Variants in SREK1IP1 observed in about 807,000 individuals in gnomAD.
SREK1IP1 encodes the protein protein SREK1IP1.
A neutral mutation model predicts 22.8 loss-of-function variants in SREK1IP1; 12 were observed. That is an observed-to-expected ratio of 0.53 (90% CI 0.34 to 0.85). SREK1IP1 has a LOEUF of 0.85. Ranked by LOEUF, SREK1IP1 falls within the 40% of genes least tolerant of loss-of-function variation. The pLI, the probability that SREK1IP1 is intolerant of heterozygous loss-of-function variation, is 0.02. For synonymous variants in SREK1IP1, 53 were observed against 52.7 expected, an observed-to-expected ratio of 1.01 and a Z score of -0.02; for missense variants, 147 against 171.8, an observed-to-expected ratio of 0.86 and a Z score of 0.81.
intron 1 of SREK1IP1, among the ~76,000 whole-genome samples, chr5:64,755,691 C>T (rs1329436088): frequency 6.6e-6 from 1 of 151,150 alleles, no homozygotes; most frequent in Non-Finnish European, 1.5e-5. Flanking sequence ...TCCACTCTGT[C>T]TAAAATAAAA....
intron 4 of SREK1IP1, 78 bp from the exon 5 acceptor site, chr5:64,724,651 T>TA (rs1421254968): frequency 1.7e-6 from 2 of 1,162,414 alleles, no homozygotes; most frequent in East Asian, 2.5e-5. Flanking sequence ...TGAACTGCCT[T>TA]AAATTCTTCT....
chr5:64,753,477 C>T (rs892277538), intron 2 of SREK1IP1, among the ~76,000 whole-genome samples: 1 of 152,114 alleles, frequency 6.6e-6, no homozygotes, highest in Non-Finnish European at 1.5e-5. Context: ...AGCAAGCTTC[C>T]CTTGAGCCAG....
intron 2 of SREK1IP1, 61 bp from the exon 3 acceptor site, chr5:64,741,261 G>A: frequency 6.6e-7 from 1 of 1,505,212 alleles, no homozygotes; most frequent in Non-Finnish European, 9.0e-7. Context: ...ATGTATTTTT[G>A]TATGTTTTGC....
intron 1 of SREK1IP1, among the ~76,000 whole-genome samples, chr5:64,768,230 TAC>T (rs1743093327): frequency 6.6e-6 from 1 of 152,150 alleles, no homozygotes; most frequent in Admixed American, 6.5e-5. Flanking sequence ...GGCCTACAGT[TAC>T]AGTCTCTCCC....
intron 1 of SREK1IP1, among the ~76,000 whole-genome samples, chr5:64,762,699 TA>T (rs1742970276): frequency 6.6e-6 from 1 of 152,194 alleles, no homozygotes; most frequent in African/African-American, 2.4e-5. Flanking sequence ...AAAAATAGGC[TA>T]AATGAGTTTC....
chr5:64,754,204 A>C (rs957621031), intron 2 of SREK1IP1, 111 bp downstream of exon 2: 5 of 973,800 alleles, frequency 5.1e-6, no homozygotes, highest in Middle Eastern at 2.2e-4. Flanking sequence ...GCTTAGGGCT[A>C]AAGGACTATG....
chr5:64,719,875 T>A lies in SREK1IP1; in HGVS notation c.*4509A>T, dbSNP rs531086867. 8 of 152,352 alleles carry A rather than the reference T, an allele frequency of 5.3e-5. No individual in the cohort carries two copies. Among genetic ancestry groups the A allele is most frequent in the African/African-American group, 1.9e-4 (8 of 41,578 alleles). 9.4% of individuals were successfully genotyped at this position (152,352 alleles called of 1,614,324 possible). On this transcript the variant is annotated 3_prime_UTR_variant, in exon 5 of 5. Transcript: ENST00000513458. Reference sequence around the variant, plus strand: ...AACTGGGATTATTGTCACACTGGTATAAGAAACCTACTGTTCTTGGGCACC... The same window carrying A: ...AACTGGGATTATTGTCACACTGGTAAAAGAAACCTACTGTTCTTGGGCACC...
rs1742134783 is a variant in SREK1IP1, at chr5:64,720,201, C to A, written c.*4183G>T. The A allele has an allele frequency of 6.6e-6, 1 of 152,126 alleles. No homozygotes were observed. Among genetic ancestry groups the A allele is most frequent in the South Asian group, 2.1e-4 (1 of 4,822 alleles). The allele number at this position is 152,126 out of a possible 1,614,324, so 9.4% of individuals were successfully genotyped here. On this transcript the variant is annotated 3_prime_UTR_variant, in exon 5 of 5. Coordinates refer to ENST00000513458, the MANE Select transcript of SREK1IP1 (RefSeq NM_173829.4). Reference sequence around the variant, plus strand: ...TAGAATTTAAGTCAGTCAAAAATAACCTAAAATACAATTAAGAACAAAACA... The same window carrying A: ...TAGAATTTAAGTCAGTCAAAAATAAACTAAAATACAATTAAGAACAAAACA...
chr5:64,735,943 A>G (rs1394081628), intron 3 of SREK1IP1, among the ~76,000 whole-genome samples: 1 of 152,096 alleles, frequency 6.6e-6, no homozygotes, highest in Non-Finnish European at 1.5e-5. Context: ...TTAAGGTGGA[A>G]GTTGAAGTCA....
At chr5:64,756,595 A>G (rs952802828) in intron 1 of SREK1IP1, among the ~76,000 whole-genome samples, 2 of 152,116 alleles carry the variant, frequency 1.3e-5, no homozygotes, top group African/African-American at 4.8e-5. Flanking sequence ...TGAAAGCCCC[A>G]GTATAGTATT....
In SREK1IP1 at chr5:64,758,416, T is replaced by C. The variant is rs73099504; in HGVS notation, c.14-4054A>G. The stretch of plus-strand genomic sequence containing the variant: ...AATATGTCATTGAAGCTTTTGAGCA[T>C]TGTACTCTAATCCCATTGTTTCCCT... On this transcript the variant is annotated intron_variant, in intron 1 of 4. Coordinates refer to ENST00000513458, the MANE Select transcript of SREK1IP1 (RefSeq NM_173829.4). Among the ~76,000 whole-genome samples, 323 of 151,612 alleles carry C rather than the reference T, an allele frequency of 2.1e-3. 2 individuals carry two copies. Among genetic ancestry groups the C allele is most frequent in the African/African-American group, 7.7e-3 (313 of 40,882 alleles).
chr5:64,720,467 T>C lies in SREK1IP1; in HGVS notation c.*3917A>G. ...TGGTGGGATTAATCGGATTATGAAA[T>C]TGATAAAACCAAACCCTAATAAAAG... On this transcript the variant is annotated 3_prime_UTR_variant, in exon 5 of 5. Coordinates refer to ENST00000513458, the MANE Select transcript of SREK1IP1 (RefSeq NM_173829.4). The C allele has an allele frequency of 6.6e-6, 1 of 152,066 alleles. No homozygotes were observed. Among genetic ancestry groups the C allele is most frequent in the East Asian group, 1.9e-4 (1 of 5,184 alleles). 9.4% of individuals were successfully genotyped at this position (152,066 alleles called of 1,614,324 possible).
chr5:64,765,547 T>G (rs1261977620), intron 1 of SREK1IP1, among the ~76,000 whole-genome samples: 2 of 152,240 alleles, frequency 1.3e-5, no homozygotes, highest in African/African-American at 4.8e-5. Flanking sequence ...AGAAATTATC[T>G]TACGATTTTC....
intron 3 of SREK1IP1, among the ~76,000 whole-genome samples, chr5:64,735,791 T>C (rs1742452179): frequency 6.6e-6 from 1 of 152,114 alleles, no homozygotes. Flanking sequence ...ATTTTTCAGT[T>C]TATGGACCTT....
chr5:64,756,879 G>C (rs1327272526), intron 1 of SREK1IP1, among the ~76,000 whole-genome samples: 1 of 152,040 alleles, frequency 6.6e-6, no homozygotes, highest in Non-Finnish European at 1.5e-5. Context: ...GCCTGCCTTA[G>C]CTTCCCAAAG....
chr5:64,741,220 A>C lies in SREK1IP1; in HGVS notation c.62-20T>G. ...GACCAGCTAAGTGAAACAAACAAAA[A>C]AAATGTGAGTGATAAAACTATAGAT... is the stretch of plus-strand genomic sequence containing the variant. On this transcript the variant is annotated intron_variant, in intron 2 of 4. Transcript: ENST00000513458. The C allele has an allele frequency of 6.3e-7, 1 of 1,599,610 alleles. No homozygotes were observed. Among genetic ancestry groups the C allele is most frequent in the Non-Finnish European group, 8.5e-7 (1 of 1,172,530 alleles).
intron 2 of SREK1IP1, among the ~76,000 whole-genome samples, chr5:64,749,551 C>T (rs1444939267): frequency 6.6e-6 from 1 of 152,156 alleles, no homozygotes; most frequent in East Asian, 1.9e-4. Context: ...AACCTCCTAC[C>T]TTAGCCTCCA....
intron 3 of SREK1IP1, among the ~76,000 whole-genome samples, chr5:64,740,311 T>C (rs919166412): frequency 5.3e-5 from 8 of 152,220 alleles, no homozygotes; most frequent in Non-Finnish European, 1.0e-4. Flanking sequence ...ATTTATATAA[T>C]TATCATTTAC....
At position 64,768,117 on chromosome 5, in the gene SREK1IP1, C is replaced by T. The variant is rs539522260; in HGVS notation, c.13+388G>A. On this transcript the variant is annotated intron_variant, in intron 1 of 4. Coordinates refer to ENST00000513458, the MANE Select transcript of SREK1IP1 (RefSeq NM_173829.4). ...GGGTCCTAGCGACTTCTAAGACAAA[C>T]GATGCCTCCGGTTACCTGGGTCGGC... Among the ~76,000 whole-genome samples the T allele has an allele frequency of 4.6e-5, 7 of 152,222 alleles. No homozygotes were observed. In the East Asian group the frequency reaches 1.2e-3, roughly 25 times the overall value.
Sources: allele counts gnomAD v4.1 joint callset (sites outside exome capture counted in the v4.1 genomes callset), GRCh38; gene constraint gnomAD v4.1.1; transcripts MANE v1.5; gene names NCBI Gene and HGNC (gene_info 2026-07-23, HGNC 2026-07-21).